The following FRK variants were observed in gnomAD, a reference collection of about 807,000 sequenced individuals.
FRK encodes tyrosine-protein kinase FRK.
In FRK, 51 loss-of-function variants were observed where a neutral mutation model predicts 56.4. That is an observed-to-expected ratio of 0.90 (90% confidence interval 0.72 to 1.14). The LOEUF is 1.14. Among genes scored for constraint, FRK ranks in the 50% most tolerant of loss-of-function variants. The pLI, the probability that FRK is intolerant of heterozygous loss-of-function variation, is 0.00. For synonymous variants in FRK, 245 were observed against 217.9 expected (o/e 1.12, Z -1.10); for missense variants, 570 against 601.4 (o/e 0.95, Z 0.55).
chr6:115,935,986 C>T lies in FRK; in HGVS notation c.*6428G>A, dbSNP rs1772038043. 1 of 152,588 alleles carries T rather than the reference C, an allele frequency of 6.6e-6. No homozygotes were observed. Among genetic ancestry groups the T allele is most frequent in the Admixed American group, 6.5e-5 (1 of 15,284 alleles). The allele number at this position is 152,588 out of a possible 1,614,324, so 9.5% of individuals were successfully genotyped here. A position where few individuals can be genotyped will look rare whatever the true frequency, so the allele number is the denominator to read the frequency against. On this transcript the variant is annotated 3_prime_UTR_variant, in exon 8 of 8. Transcript: ENST00000606080. ...TGGATTTCCCAGCACAGTGCTCGAGCTCTGGTAAGAGTCAGACTGCCTCCT... is the reference window on the plus strand; with the variant it reads ...TGGATTTCCCAGCACAGTGCTCGAGTTCTGGTAAGAGTCAGACTGCCTCCT...
the FRK span, among the ~76,000 whole-genome samples, chr6:116,075,105 G>A: frequency 6.6e-6 from 1 of 152,038 alleles, no homozygotes; most frequent in East Asian, 1.9e-4. Context: ...CCACTTGCTT[G>A]TTGAACTCTT....
rs181609597 is a variant in FRK at position 116,036,917 on chromosome 6, C to A, written c.344+23051G>T. On this transcript the variant is annotated intron_variant, in intron 1 of 7. Transcript: ENST00000606080. Reference sequence around the variant, plus strand: ...TGTATTCCTTTAACTCCTCAAAAAGCAATTTCATATTCTACATGTGAGCAT... The same window carrying A: ...TGTATTCCTTTAACTCCTCAAAAAGAAATTTCATATTCTACATGTGAGCAT... Among the ~76,000 whole-genome samples, 67 of 152,160 alleles carry A rather than the reference C, an allele frequency of 4.4e-4. 1 individual carries two copies. The highest frequency in any genetic ancestry group is 1.6e-3 in the African/African-American group (66 of 41,540).
the FRK span, among the ~76,000 whole-genome samples, chr6:116,087,665 A>T: frequency 6.6e-6 from 1 of 152,280 alleles, no homozygotes; most frequent in African/African-American, 2.4e-5. Flanking sequence ...GGTTAGAGAC[A>T]GACTGGCCAA....
the FRK span, among the ~76,000 whole-genome samples, chr6:116,088,738 A>C: frequency 3.9e-5 from 6 of 152,236 alleles, no homozygotes; most frequent in Non-Finnish European, 8.8e-5. Context: ...TGACAAATTC[A>C]ATAATAATTT....
intron 1 of FRK, among the ~76,000 whole-genome samples, chr6:116,014,516 G>A (rs987780171): frequency 1.3e-5 from 2 of 151,736 alleles, no homozygotes; most frequent in Non-Finnish European, 2.9e-5. Flanking sequence ...AACCAAAAAG[G>A]TATTTGTGAG....
At chr6:116,088,799 C>T in the FRK span, among the ~76,000 whole-genome samples, 1 of 152,180 alleles carries the variant, frequency 6.6e-6, no homozygotes, top group African/African-American at 2.4e-5. Flanking sequence ...TCCTTGGATG[C>T]TTTCAGTCAG....
At chr6:115,973,090 A>G (rs1247571068) in intron 2 of FRK, among the ~76,000 whole-genome samples, 1 of 152,218 alleles carries the variant, frequency 6.6e-6, no homozygotes, top group African/African-American at 2.4e-5. Flanking sequence ...AGTTCCTTCA[A>G]GAGCAATATC....
intron 1 of FRK, among the ~76,000 whole-genome samples, chr6:116,014,560 A>G (rs1361699581): frequency 6.7e-6 from 1 of 149,582 alleles, no homozygotes; most frequent in African/African-American, 2.5e-5. Context: ...TGGTCAGGGA[A>G]AAAAAAAAAA....
Position 115,953,531 on chromosome 6 carries a change from G to C in FRK, c.958+2921C>G, listed in dbSNP as rs549891492. 2.6e-5 allele frequency among the ~76,000 whole-genome samples: 4 copies of C among 152,216 alleles called. No homozygotes were observed. The South Asian group carries it at 8.3e-4, about 32-fold the overall frequency. On this transcript the variant is annotated intron_variant, in intron 5 of 7. Transcript: ENST00000606080. ...ATGTGAACCCTCTTGACTGGGGAAG[G>C]GGCTATCTGCAGTGAGCATTTGTTC...
At chr6:115,968,790 GATTT>G in intron 2 of FRK, 51 bp from the exon 3 acceptor site, 2 of 1,511,620 alleles carry the variant, frequency 1.3e-6, no homozygotes, top group South Asian at 2.4e-5. Flanking sequence ...AAACCAAGCA[GATTT>G]ATTTACTTTG....
chr6:116,028,708 T>TTATG (rs1554236308), intron 1 of FRK, among the ~76,000 whole-genome samples: 57 of 152,208 alleles, frequency 3.7e-4, no homozygotes, highest in African/African-American at 1.3e-3. Context: ...TAAGTACATA[T>TTATG]TAGGGCTCCA....
chr6:115,986,489 A>C (rs942372905), intron 2 of FRK, among the ~76,000 whole-genome samples: 1 of 152,158 alleles, frequency 6.6e-6, no homozygotes, highest in Non-Finnish European at 1.5e-5. Context: ...TGACTTCTGT[A>C]TAATGTTTAA....
intron 7 of FRK, 21 bp downstream of exon 7, chr6:115,942,999 A>G: frequency 6.2e-7 from 1 of 1,601,410 alleles, no homozygotes; most frequent in South Asian, 1.1e-5. Flanking sequence ...AGAAAGGTCC[A>G]CTTCAGAATT....
At chr6:116,086,634 C>T in the FRK span, among the ~76,000 whole-genome samples, 4 of 152,216 alleles carry the variant, frequency 2.6e-5, no homozygotes, top group African/African-American at 9.6e-5. Context: ...CTCCAAGCAA[C>T]TGAAATCTTT....
Position 115,962,092 on chromosome 6 carries a change from C to T in FRK, c.799+5459G>A, listed in dbSNP as rs549325190. 4.0e-4 allele frequency among the ~76,000 whole-genome samples: 58 copies of T among 143,914 alleles called. 2 individuals are homozygous for T. The highest frequency in any genetic ancestry group is 1.5e-3 in the African/African-American group (57 of 37,710). The allele number at this position is 143,914 out of a possible 152,430, so 94.4% of individuals were successfully genotyped here. A position where few individuals can be genotyped will look rare whatever the true frequency, so the allele number is the denominator to read the frequency against. ...GAGTAAATTCTGCAATTAAAAGACA[C>T]AGACTGGCAAGTTGGATAAAAAGTC... On this transcript the variant is annotated intron_variant, in intron 4 of 7. Coordinates refer to ENST00000606080, the MANE Select transcript of FRK (RefSeq NM_002031.3).
At chr6:116,096,155 G>T in the FRK span, among the ~76,000 whole-genome samples, 1 of 152,180 alleles carries the variant, frequency 6.6e-6, no homozygotes, top group African/African-American at 2.4e-5. Context: ...GAGGACCCGT[G>T]GACAAACCCA....
chr6:115,975,149 TA>T (rs200476414), intron 2 of FRK, among the ~76,000 whole-genome samples: 1 of 151,740 alleles, frequency 6.6e-6, no homozygotes, highest in Non-Finnish European at 1.5e-5. Context: ...ATGGCAAAAA[TA>T]AAAAAAACCA....
chr6:116,070,012 A>G, the FRK span, among the ~76,000 whole-genome samples: 1 of 152,014 alleles, frequency 6.6e-6, no homozygotes, highest in South Asian at 2.1e-4. Context: ...GCAAATCCTC[A>G]CTATCACCCA....
chr6:116,070,440 C>T, the FRK span, among the ~76,000 whole-genome samples: 1 of 152,168 alleles, frequency 6.6e-6, no homozygotes, highest in Non-Finnish European at 1.5e-5. Flanking sequence ...GCTCCTGATT[C>T]TCAGTCTAGG....
Sources: allele counts gnomAD v4.1 joint callset (sites outside exome capture counted in the v4.1 genomes callset), GRCh38; gene constraint gnomAD v4.1.1; transcripts MANE v1.5; gene names NCBI Gene and HGNC (gene_info 2026-07-23, HGNC 2026-07-21).